LARS1: variants seen among roughly 807,000 people sequenced by gnomAD.
LARS1 encodes the protein leucine--tRNA ligase, cytoplasmic.
LARS1 carries 100 observed loss-of-function variants against 162.8 expected under a neutral mutation model. The ratio of observed to expected loss-of-function variants is 0.61; its 90% confidence interval spans 0.52 to 0.73. The LOEUF (loss-of-function observed/expected upper bound fraction) is 0.73, where lower values mean the gene tolerates loss of function less well. LARS1 is among the 30% of genes least tolerant of loss of function. The pLI is 0.00. For missense variants in LARS1, 1,258 were observed against 1,408.9 expected (o/e 0.89, Z 1.71); for synonymous variants, 457 against 462.8 (o/e 0.99, Z 0.16).
chr5:146,132,830 A>G, intron 23 of LARS1, 68 bp downstream of exon 23: 3 of 1,266,940 alleles, frequency 2.4e-6, no homozygotes, highest in Non-Finnish European at 3.3e-6. Context: ...AAGAAAAGAA[A>G]AAGAAAACAA....
intron 1 of LARS1, 37 bp from the exon 2 acceptor site, chr5:146,177,702 C>G: frequency 9.1e-7 from 1 of 1,103,268 alleles, no homozygotes; most frequent in Non-Finnish European, 1.3e-6. Flanking sequence ...CTCTGTATTT[C>G]AGCACGCTTG....
intron 28 of LARS1, 63 bp from the exon 29 acceptor site, chr5:146,124,149 C>T: frequency 1.0e-6 from 1 of 962,180 alleles, no homozygotes; most frequent in South Asian, 1.3e-5. Flanking sequence ...AAACATACTT[C>T]CTCCAAAGTA....
In LARS1 at chr5:146,133,101, T is replaced by C. The variant is rs74777771; in HGVS notation, c.2213-20A>G. 12 of 1,607,004 alleles carry C rather than the reference T, an allele frequency of 7.5e-6. No individual in the cohort carries two copies. Among genetic ancestry groups the C allele is most frequent in the East Asian group, 2.2e-5 (1 of 44,820 alleles). On this transcript the variant is annotated intron_variant, in intron 22 of 31. Coordinates refer to ENST00000394434, the MANE Select transcript of LARS1 (RefSeq NM_020117.11). The stretch of plus-strand genomic sequence containing the variant: ...GCATTCCTGGAAGAAGAAAAAAAAA[T>C]TCAATGCATTAAAAATATGGTTACT...
chr5:146,167,187 T>C (rs1754049254), intron 5 of LARS1, among the ~76,000 whole-genome samples: 1 of 152,312 alleles, frequency 6.6e-6, no homozygotes, highest in East Asian at 1.9e-4. Flanking sequence ...GATCCTGGAT[T>C]GGACATTGGA....
chr5:146,172,651 T>C lies in LARS1; in HGVS notation c.213+36A>G, dbSNP rs758343570. The C allele has an allele frequency of 6.5e-6, 8 of 1,230,566 alleles. No homozygotes were observed. In the Admixed American group the frequency reaches 6.8e-5, roughly 10 times the overall value. 76.2% of individuals were successfully genotyped at this position (1,230,566 alleles called of 1,614,324 possible). On this transcript the variant is annotated intron_variant, in intron 3 of 31. Transcript: ENST00000394434. The stretch of plus-strand genomic sequence containing the variant: ...TTCAAAACAATATTCGTTAAAAACC[T>C]TCCTCCCCATTATAGCAAACATAGG...
chr5:146,149,555 T>C, intron 15 of LARS1, 67 bp downstream of exon 15: 1 of 1,116,682 alleles, frequency 9.0e-7, no homozygotes, highest in South Asian at 1.3e-5. Flanking sequence ...AACTCACTGC[T>C]AATAACACTG....
Position 146,153,111 on chromosome 5 carries a change from T to C in LARS1, c.1284+63A>G. On this transcript the variant is annotated intron_variant, in intron 13 of 31. Coordinates refer to ENST00000394434, the MANE Select transcript of LARS1 (RefSeq NM_020117.11). Reference sequence around the variant, plus strand: ...TAATTTTGTTATAAGGAAAACATGTTAGCTCTTCTTTTTCTCTGATAAAGA... The same window carrying C: ...TAATTTTGTTATAAGGAAAACATGTCAGCTCTTCTTTTTCTCTGATAAAGA... The C allele has an allele frequency of 3.1e-6, 4 of 1,280,372 alleles. No individual in the cohort carries two copies. In the Admixed American group the frequency reaches 7.5e-5, roughly 24 times the overall value. The allele number at this position is 1,280,372 out of a possible 1,614,324, so 79.3% of individuals were successfully genotyped here.
intron 1 of LARS1, among the ~76,000 whole-genome samples, chr5:146,178,768 C>T (rs1017810324): frequency 6.6e-6 from 1 of 152,134 alleles, no homozygotes; most frequent in Non-Finnish European, 1.5e-5. Context: ...ACTATCAACG[C>T]CACTGCCCCC....
intron 23 of LARS1, 187 bp from the exon 24 acceptor site, chr5:146,131,296 T>C: frequency 2.4e-6 from 1 of 419,512 alleles, no homozygotes; most frequent in East Asian, 3.8e-5. Flanking sequence ...ACACCATCTT[T>C]GCGTTCCTTA....
chr5:146,158,484 C>A (rs36102990), intron 8 of LARS1, among the ~76,000 whole-genome samples: 33,882 of 152,160 alleles, frequency 0.22, 4,832 homozygotes, highest in Admixed American at 0.34. Context: ...AGTTCAGATG[C>A]TGGCATTGTC....
chr5:146,150,121 A>G (rs565507334), intron 14 of LARS1, among the ~76,000 whole-genome samples: 1 of 152,184 alleles, frequency 6.6e-6, no homozygotes, highest in East Asian at 1.9e-4. Flanking sequence ...TCTTTGCCTG[A>G]CCATGTGATA....
intron 14 of LARS1, among the ~76,000 whole-genome samples, chr5:146,150,971 A>ACACACACG (rs1753260173): frequency 6.6e-6 from 1 of 151,490 alleles, no homozygotes; most frequent in Non-Finnish European, 1.5e-5. Context: ...ACACACACAC[A>ACACACACG]CACACACACA....
intron 15 of LARS1, among the ~76,000 whole-genome samples, chr5:146,146,214 C>T (rs1425587592): frequency 1.3e-5 from 2 of 151,906 alleles, no homozygotes; most frequent in Non-Finnish European, 2.9e-5. Context: ...GTGGCGCACA[C>T]CTGTAACGCC....
intron 15 of LARS1, among the ~76,000 whole-genome samples, chr5:146,145,004 G>C (rs946836340): frequency 2.2e-4 from 33 of 152,128 alleles, no homozygotes; most frequent in African/African-American, 8.0e-4. Flanking sequence ...ACAAAAGATG[G>C]TCAGCAGTTT....
chr5:146,145,209 G>A (rs778696841), intron 15 of LARS1, among the ~76,000 whole-genome samples: 2 of 151,932 alleles, frequency 1.3e-5, no homozygotes, highest in African/African-American at 2.4e-5. Context: ...GCAGCCTCCT[G>A]AGTAGCTGGG....
chr5:146,149,659 T>A lies in LARS1; in HGVS notation c.1466A>T (p.Asp489Val), dbSNP rs149719148. Reference sequence around the variant, plus strand: ...CTTTTTCTGAATAGTCTTCTTTACATCTTGAACCTTCTGTCCTTTAAATCC... The same window carrying A: ...CTTTTTCTGAATAGTCTTCTTTACAACTTGAACCTTCTGTCCTTTAAATCC... ...VDGFKGQKVQ[D>V]VKKTIQKKMI... The change falls in exon 15 of 32, where the codon GAT (aspartate) becomes GTT (valine). Residue 489 changes from aspartate to valine, a missense_variant. Transcript: ENST00000394434. 1 of 1,613,236 alleles carries A rather than the reference T, an allele frequency of 6.2e-7. No individual in the cohort carries two copies. Among genetic ancestry groups the A allele is most frequent in the African/African-American group, 1.3e-5 (1 of 75,012 alleles).
intron 1 of LARS1, chr5:146,179,636 C>T: frequency 2.4e-6 from 1 of 417,756 alleles, no homozygotes; most frequent in Non-Finnish European, 4.8e-6. Flanking sequence ...TCTCCCTCTG[C>T]CACCCAGGCT....
intron 7 of LARS1, 30 bp from the exon 8 acceptor site, chr5:146,159,500 T>A: frequency 6.6e-7 from 1 of 1,509,330 alleles, no homozygotes; most frequent in Non-Finnish European, 9.2e-7. Flanking sequence ...TGACAAACAT[T>A]ATTATAATAT....
chr5:146,168,749 T>C (rs1464246474), intron 4 of LARS1, among the ~76,000 whole-genome samples: 1 of 152,016 alleles, frequency 6.6e-6, no homozygotes, highest in East Asian at 1.9e-4. Context: ...AATTCACTAA[T>C]TTATAAAGTA....
Sources: gnomAD v4.1 joint callset for allele counts (sites outside exome capture counted in the v4.1 genomes callset) on GRCh38, gnomAD v4.1.1 for gene constraint, MANE v1.5 for transcripts, NCBI Gene and HGNC (gene_info 2026-07-23, HGNC 2026-07-21) for gene names.